LMF1: variants seen among roughly 807,000 people sequenced by gnomAD.
The protein encoded by LMF1 is transmembrane protein 112.
In LMF1, 68 loss-of-function variants were observed where a neutral mutation model predicts 60.6. That is an observed-to-expected ratio of 1.12 (90% confidence interval 0.92 to 1.37). The LOEUF (loss-of-function observed/expected upper bound fraction) is 1.37. Ranked by LOEUF, LMF1 falls within the 40% of genes most tolerant of loss-of-function variation. LMF1 has a pLI of 0.00. For missense variants in LMF1, 948 were observed against 767.2 expected, an observed-to-expected ratio of 1.24 and a Z score of -2.78; for synonymous variants, 418 against 324.7, an observed-to-expected ratio of 1.29 and a Z score of -3.09.
rs2071092791 is a variant in LMF1, at chr16:910,960, A to G, written c.634T>C (p.Trp212Arg). Residue 212 changes from tryptophan to arginine, a missense_variant, in exon 4 of 11, where the codon TGG becomes CGG. Trp to Arg is a moderately radical substitution (Grantham distance 101). Transcript: ENST00000262301. ...TSRIVLWGFR[W>R]LIFRIMLGAG... The stretch of plus-strand genomic sequence containing the variant: ...CCAAGCATGATCCTGAAGATCAGCC[A>G]CCGGAAGCCCCACAGGACAATCCGG... The G allele has an allele frequency of 6.2e-7, 1 of 1,612,958 alleles. No homozygotes were observed. Among genetic ancestry groups the G allele is most frequent in the South Asian group, 1.1e-5 (1 of 91,076 alleles).
chr16:914,463 G>A lies in LMF1; in HGVS notation c.515-3384C>T, dbSNP rs115267713. On this transcript the variant is annotated intron_variant, in intron 3 of 10. Transcript: ENST00000262301. ...GCTGTGGGCCCTGAGCCCCGTGATC[G>A]CTCCAGCTCTCCAAGTGCAAAACCA... Among the ~76,000 whole-genome samples the A allele has an allele frequency of 2.2e-3, 319 of 146,336 alleles. 1 individual carries two copies. Among genetic ancestry groups the A allele is most frequent in the African/African-American group, 7.6e-3 (300 of 39,480 alleles).
At chr16:854,778 G>T in intron 10 of LMF1, 72 bp from the exon 11 acceptor site, 1 of 1,374,848 alleles carries the variant, frequency 7.3e-7, no homozygotes, top group Non-Finnish European at 1.0e-6. Context: ...TCAGCCTGCT[G>T]CTGAGCTGCA....
intron 1 of LMF1, chr16:979,943 G>C (rs2073296222): frequency 2.8e-6 from 1 of 358,250 alleles, no homozygotes; most frequent in African/African-American, 2.1e-5. Context: ...GCGGAGGGCA[G>C]GGCCTCCAGG....
intron 1 of LMF1, among the ~76,000 whole-genome samples, chr16:956,430 C>T (rs2072706646): frequency 6.6e-6 from 1 of 152,154 alleles, no homozygotes; most frequent in African/African-American, 2.4e-5. Context: ...AAAAGATACA[C>T]CATTCAAATG....
chr16:953,138 G>C (rs1177264236), intron 2 of LMF1, among the ~76,000 whole-genome samples: 1 of 96,136 alleles, frequency 1.0e-5, no homozygotes, highest in African/African-American at 4.2e-5. Context: ...TATCCACACA[G>C]ACACCCACCC....
intron 1 of LMF1, among the ~76,000 whole-genome samples, chr16:957,042 A>G (rs2072720772): frequency 6.6e-6 from 1 of 151,910 alleles, no homozygotes; most frequent in African/African-American, 2.4e-5. Flanking sequence ...CGGTAGTCCC[A>G]CCTACTTGGG....
intron 6 of LMF1, among the ~76,000 whole-genome samples, chr16:875,701 ACC>A (rs1452510196): frequency 6.6e-6 from 1 of 151,678 alleles, no homozygotes; most frequent in East Asian, 1.9e-4. Flanking sequence ...GCAGACCAAC[ACC>A]CCTGCCTGGG....
At chr16:881,996 C>A in intron 5 of LMF1, among the ~76,000 whole-genome samples, 1 of 152,158 alleles carries the variant, frequency 6.6e-6, no homozygotes, top group East Asian at 1.9e-4. Context: ...CAGGAACAAG[C>A]CAATCACAAG....
chr16:935,594 T>C lies in LMF1; in HGVS notation c.504-1340A>G, dbSNP rs527814199. On this transcript the variant is annotated intron_variant, in intron 2 of 10. Coordinates refer to ENST00000262301, the MANE Select transcript of LMF1 (RefSeq NM_022773.4). ...GCTAAAAAAAAAAAAACTCATAATG[T>C]TTTAAGAAAGTTTATGAATTTGTGT... 2.1e-5 allele frequency among the ~76,000 whole-genome samples: 3 copies of C among 144,306 alleles called. No homozygotes were observed. The East Asian group carries it at 6.1e-4, about 30-fold the overall frequency. 94.7% of individuals were successfully genotyped at this position (144,306 alleles called of 152,430 possible). A position where few individuals can be genotyped will look rare whatever the true frequency, so the allele number is the denominator to read the frequency against.
intron 4 of LMF1, chr16:893,445 T>C (rs2070553567): frequency 3.7e-5 from 17 of 457,086 alleles, no homozygotes; most frequent in South Asian, 2.6e-4. Flanking sequence ...AGAGGGAAGC[T>C]TCTCAGTGCC....
chr16:926,187 T>C (rs1484670315), intron 3 of LMF1, among the ~76,000 whole-genome samples: 2 of 152,108 alleles, frequency 1.3e-5, no homozygotes, highest in Admixed American at 1.3e-4. Context: ...CACATTTGCA[T>C]ATGATCTGCA....
chr16:855,343 T>G (rs2069156658), intron 10 of LMF1: 2 of 285,704 alleles, frequency 7.0e-6, no homozygotes, highest in South Asian at 3.5e-5. Flanking sequence ...CCATCTCCCC[T>G]GGAGCAGGGT....
At chr16:971,374 C>T (rs768606469), upstream of LMF1, among the ~76,000 whole-genome samples, 3 of 152,250 alleles carry the variant, frequency 2.0e-5, no homozygotes, top group Admixed American at 6.5e-5. Flanking sequence ...AGGTGGGCTG[C>T]ACAGGCCCTG....
rs555822382 is a variant in LMF1 at position 930,700 on chromosome 16, C to T, written c.514+3544G>A. Among the ~76,000 whole-genome samples the T allele has an allele frequency of 4.8e-4, 73 of 152,384 alleles. 1 individual carries two copies. In the South Asian group the frequency reaches 0.014, roughly 29 times the overall value. On this transcript the variant is annotated intron_variant, in intron 3 of 10. Coordinates refer to ENST00000262301, the MANE Select transcript of LMF1 (RefSeq NM_022773.4). Reference sequence around the variant, plus strand: ...TGTATTTTCAGGCGGGTCCCGCTCACACCCACAGCATTGTGAGAGCATGTC... The same window carrying T: ...TGTATTTTCAGGCGGGTCCCGCTCATACCCACAGCATTGTGAGAGCATGTC...
Position 950,139 on chromosome 16 carries a change from CAG to C in LMF1, c.503+4216_503+4217del, listed in dbSNP as rs1183330780. 6.0e-5 allele frequency among the ~76,000 whole-genome samples: 6 copies of C among 100,432 alleles called. 2 individuals carry two copies. The highest frequency in any genetic ancestry group is 1.1e-4 in the Non-Finnish European group (6 of 54,910). 65.9% of individuals were successfully genotyped at this position (100,432 alleles called of 152,430 possible). On this transcript the variant is annotated intron_variant, in intron 2 of 10. Transcript: ENST00000262301. ...GAGACGAAAGACTCAGAGCCAATGA[CAG>C]AGTCAGAGCCAATGACAGAGTCAGC...
rs111959468 is a variant in LMF1, at chr16:931,704, T to C, written c.514+2540A>G. On this transcript the variant is annotated intron_variant, in intron 3 of 10. Transcript: ENST00000262301. ...GAAGGGAAGACAGTTCAAAGACGCA[T>C]GGCTGCTCGGAAGGCAGGGAGAGCA... is the stretch of plus-strand genomic sequence containing the variant. The C allele has an allele frequency of 6.8e-4, 873 of 1,287,182 alleles. 7 individuals carry two copies. In the African/African-American group the frequency reaches 0.011, roughly 17 times the overall value. 79.7% of individuals were successfully genotyped at this position (1,287,182 alleles called of 1,614,324 possible). A position where few individuals can be genotyped will look rare whatever the true frequency, so the allele number is the denominator to read the frequency against.
intron 10 of LMF1, among the ~76,000 whole-genome samples, chr16:856,586 G>A (rs1012689297): frequency 6.6e-6 from 1 of 152,214 alleles, no homozygotes; most frequent in African/African-American, 2.4e-5. Context: ...TCCTTCCCAG[G>A]ACAGGGTCAA....
At chr16:868,776 C>CT (rs2069683044) in intron 10 of LMF1, among the ~76,000 whole-genome samples, 168 bp downstream of exon 10, 1 of 50,078 alleles carries the variant, frequency 2.0e-5, no homozygotes, top group African/African-American at 4.7e-5. Context: ...TGATGTGGGG[C>CT]GGGGGGGGGG....
rs931996813 is a variant in LMF1 at position 909,172 on chromosome 16, C to G, written c.663+1759G>C. 2.6e-5 allele frequency among the ~76,000 whole-genome samples: 4 copies of G among 152,188 alleles called. No individual in the cohort carries two copies. The East Asian group carries it at 7.7e-4, about 29-fold the overall frequency. On this transcript the variant is annotated intron_variant, in intron 4 of 10. Coordinates refer to ENST00000262301, the MANE Select transcript of LMF1 (RefSeq NM_022773.4). The stretch of plus-strand genomic sequence containing the variant: ...CACCTCAAGAAATGGCCAGTTCACT[C>G]CATGCATGGCTGACGTTTCTGCAGC...
Sources: allele counts gnomAD v4.1 joint callset (sites outside exome capture counted in the v4.1 genomes callset), GRCh38; gene constraint gnomAD v4.1.1; transcripts MANE v1.5; gene names NCBI Gene and HGNC (gene_info 2026-07-23, HGNC 2026-07-21).